AFAP1L2: variants seen among roughly 807,000 people sequenced by gnomAD.
AFAP1L2 encodes actin filament associated protein 1 like 2.
A neutral mutation model predicts 99.3 loss-of-function variants in AFAP1L2; 46 were observed. The ratio of observed to expected loss-of-function variants is 0.46; its 90% CI spans 0.37 to 0.59. AFAP1L2 has a LOEUF of 0.59. Ranked by LOEUF, AFAP1L2 falls within the 20% of genes least tolerant of loss-of-function variation. The pLI is 0.00. For synonymous variants in AFAP1L2, 397 were observed against 419.1 expected, an observed-to-expected ratio of 0.95 and a Z score of 0.64; for missense variants, 959 against 1,034.9, an observed-to-expected ratio of 0.93 and a Z score of 1.01.
At position 114,300,526 on chromosome 10, in the gene AFAP1L2, A is replaced by ACC; in HGVS notation, c.1706_1707insGG (p.Glu570ValfsTer19). ...GGCCTGAGTCTGCCGGGAGGGCCTC[A>ACC]GTTGCATTGTCCAGGCAGGACAACG... On this transcript the variant is annotated frameshift_variant, in exon 14 of 19. Transcript: ENST00000304129. LOFTEE classifies it high-confidence loss of function. The ACC allele has an allele frequency of 6.2e-7, 1 of 1,614,172 alleles. No individual in the cohort carries two copies. Among genetic ancestry groups the ACC allele is most frequent in the Non-Finnish European group, 8.5e-7 (1 of 1,180,028 alleles).
At chr10:114,341,098 T>C (rs562072867) in intron 1 of AFAP1L2, among the ~76,000 whole-genome samples, 52 of 152,362 alleles carry the variant, frequency 3.4e-4, no homozygotes, top group African/African-American at 1.2e-3. Flanking sequence ...CAAAATGCTT[T>C]GAGAGCTGTT....
chr10:114,370,015 G>C (rs2053882533), intron 1 of AFAP1L2, among the ~76,000 whole-genome samples: 1 of 152,272 alleles, frequency 6.6e-6, no homozygotes, highest in East Asian at 1.9e-4. Context: ...CCACCAAGCA[G>C]GGTGACCCCA....
rs538120659 is a variant in AFAP1L2 at position 114,355,359 on chromosome 10, A to C, written c.17-14628T>G. 3.3e-5 allele frequency among the ~76,000 whole-genome samples: 5 copies of C among 151,404 alleles called. No individual in the cohort carries two copies. The South Asian group carries it at 1.0e-3, about 32-fold the overall frequency. The stretch of plus-strand genomic sequence containing the variant: ...AAGCTCCGCCTCCCGGATTCACACA[A>C]ACTGCTGTGATTATAGGCGTGAGCC... On this transcript the variant is annotated intron_variant, in intron 1 of 18. Coordinates refer to ENST00000304129, the MANE Select transcript of AFAP1L2 (RefSeq NM_001001936.3).
intron 4 of AFAP1L2, among the ~76,000 whole-genome samples, chr10:114,326,845 T>C (rs890200885): frequency 9.9e-5 from 15 of 151,984 alleles, no homozygotes; most frequent in African/African-American, 3.6e-4. Flanking sequence ...TCAATACATA[T>C]TAGTTTTTAC....
At chr10:114,292,138 G>A (rs1484532574), downstream of AFAP1L2, among the ~76,000 whole-genome samples, 4 of 152,068 alleles carry the variant, frequency 2.6e-5, no homozygotes, top group Non-Finnish European at 4.4e-5. Context: ...GTAGCCGGGG[G>A]TGGTGGTGGA....
At chr10:114,373,811 C>G (rs1350202140) in intron 1 of AFAP1L2, among the ~76,000 whole-genome samples, 1 of 152,170 alleles carries the variant, frequency 6.6e-6, no homozygotes, top group African/African-American at 2.4e-5. Context: ...CCTTGTCCCC[C>G]TCTTGAAGTC....
intron 1 of AFAP1L2, among the ~76,000 whole-genome samples, chr10:114,369,544 G>A (rs545555802): frequency 3.6e-4 from 51 of 139,840 alleles, no homozygotes; most frequent in Middle Eastern, 4.0e-3. Flanking sequence ...GCAGTGAGCC[G>A]ACATCGTGCC....
chr10:114,351,925 G>T (rs918682024), intron 1 of AFAP1L2, among the ~76,000 whole-genome samples: 4 of 152,160 alleles, frequency 2.6e-5, no homozygotes, highest in African/African-American at 9.7e-5. Context: ...TACTGGCTGT[G>T]TGGCCTTGGG....
At chr10:114,360,129 C>G (rs1380184376) in intron 1 of AFAP1L2, among the ~76,000 whole-genome samples, 2 of 147,698 alleles carry the variant, frequency 1.4e-5, no homozygotes, top group African/African-American at 5.4e-5. Flanking sequence ...AAGCAGATGG[C>G]CCCTCTATGT....
chr10:114,296,213 T>C (rs979962286), intron 18 of AFAP1L2, 145 bp from the exon 19 acceptor site: 3 of 1,119,616 alleles, frequency 2.7e-6, no homozygotes, highest in Admixed American at 3.7e-5. Flanking sequence ...CCCTGTGTGT[T>C]CATCACTGCT....
the AFAP1L2 span, among the ~76,000 whole-genome samples, chr10:114,286,973 C>A: frequency 6.6e-6 from 1 of 152,164 alleles, no homozygotes; most frequent in Non-Finnish European, 1.5e-5. Flanking sequence ...CATGCACACG[C>A]GCTGGTGCAG....
intron 1 of AFAP1L2, among the ~76,000 whole-genome samples, chr10:114,390,961 A>G (rs1404213562): frequency 6.6e-6 from 1 of 152,122 alleles, no homozygotes; most frequent in Non-Finnish European, 1.5e-5. Flanking sequence ...CTTGACCTGT[A>G]AACTCCTGTT....
intron 4 of AFAP1L2, chr10:114,326,023 G>A (rs978181880): frequency 1.6e-5 from 19 of 1,189,360 alleles, no homozygotes; most frequent in Non-Finnish European, 2.1e-5. Context: ...CCGAGATCTG[G>A]CCCAAGGTCA....
downstream of AFAP1L2, chr10:114,291,168 G>A: frequency 6.5e-7 from 1 of 1,549,972 alleles, no homozygotes; most frequent in South Asian, 1.2e-5. Flanking sequence ...CTGGAGGGCT[G>A]AGAAGGGGAT....
intron 1 of AFAP1L2, among the ~76,000 whole-genome samples, chr10:114,352,501 C>CAAAAAAAAAAAAAAAA (rs1384071242): frequency 1.0e-4 from 2 of 19,890 alleles, no homozygotes; most frequent in African/African-American, 2.9e-4. Flanking sequence ...AAAAAAAAAG[C>CAAAAAAAAAAAAAAAA]AACCGGAGAT....
intron 4 of AFAP1L2, among the ~76,000 whole-genome samples, 200 bp from the exon 5 acceptor site, chr10:114,323,461 G>A (rs1313265513): frequency 1.3e-5 from 2 of 152,084 alleles, no homozygotes; most frequent in African/African-American, 2.4e-5. Flanking sequence ...GCCACGGAAG[G>A]GCTGTGGGCA....
At chr10:114,288,011 A>C in the AFAP1L2 span, among the ~76,000 whole-genome samples, 2 of 152,202 alleles carry the variant, frequency 1.3e-5, no homozygotes, top group African/African-American at 2.4e-5. Context: ...AAAAACCAGT[A>C]ATCAGAGCAT....
At chr10:114,332,996 A>G (rs1413620) in intron 3 of AFAP1L2, among the ~76,000 whole-genome samples, 103,006 of 152,128 alleles carry the variant, frequency 0.68, 36,151 homozygotes, top group East Asian at 0.92. Context: ...AAAGTTTTAG[A>G]GCCAGATTCC....
At chr10:114,321,470 G>A (rs1033191909) in intron 5 of AFAP1L2, among the ~76,000 whole-genome samples, 5 of 152,174 alleles carry the variant, frequency 3.3e-5, no homozygotes, top group Non-Finnish European at 5.9e-5. Context: ...ATTCTGTGGT[G>A]TGTATGTACC....
Sources: gnomAD v4.1 joint callset for allele counts (sites outside exome capture counted in the v4.1 genomes callset) on GRCh38, gnomAD v4.1.1 for gene constraint, MANE v1.5 for transcripts, NCBI Gene and HGNC (gene_info 2026-07-23, HGNC 2026-07-21) for gene names.